The following DOK6 variants were observed in gnomAD, a reference collection of about 807,000 sequenced individuals.
DOK6 encodes the protein docking protein 6.
Under a neutral mutation model 44.0 loss-of-function variants are expected in DOK6, and 22 were observed. The observed-to-expected ratio is 0.50, with a 90% CI of 0.36 to 0.71. DOK6 has a LOEUF of 0.71. Among genes scored for constraint, DOK6 ranks in the 30% least tolerant of loss-of-function variants. The pLI, the probability that DOK6 is intolerant of heterozygous loss-of-function variation, is 0.00. For synonymous variants in DOK6, 166 were observed against 145.5 expected (o/e 1.14, Z -1.01); for missense variants, 340 against 416.4 (o/e 0.82, Z 1.60).
chr18:69,802,048 A>G (rs1050421880), intron 7 of DOK6, among the ~76,000 whole-genome samples: 3 of 152,024 alleles, frequency 2.0e-5, no homozygotes, highest in African/African-American at 7.2e-5. Context: ...CCTCCATCCT[A>G]TGCACTCCAT....
chr18:69,485,817 C>T (rs1214260408), intron 1 of DOK6, among the ~76,000 whole-genome samples: 1 of 151,676 alleles, frequency 6.6e-6, no homozygotes, highest in South Asian at 2.1e-4. Context: ...TCATTGCAGA[C>T]TTCAGACATT....
At chr18:69,701,824 G>A (rs1986526633) in intron 5 of DOK6, among the ~76,000 whole-genome samples, 1 of 152,142 alleles carries the variant, frequency 6.6e-6, no homozygotes, top group African/African-American at 2.4e-5. Flanking sequence ...GTTAGTGGTA[G>A]CAAATGTTAT....
At chr18:69,455,383 G>A (rs1181639307) in intron 1 of DOK6, among the ~76,000 whole-genome samples, 1 of 152,160 alleles carries the variant, frequency 6.6e-6, no homozygotes, top group African/African-American at 2.4e-5. Flanking sequence ...TTTTAAGTCT[G>A]AAGAAAGCTT....
chr18:69,410,655 C>T (rs1978302144), intron 1 of DOK6, among the ~76,000 whole-genome samples: 1 of 152,188 alleles, frequency 6.6e-6, no homozygotes, highest in Non-Finnish European at 1.5e-5. Context: ...TTTCTGAGGA[C>T]TTTCCAGGCT....
intron 6 of DOK6, among the ~76,000 whole-genome samples, chr18:69,757,541 TC>T (rs1758164056): frequency 6.6e-6 from 1 of 152,214 alleles, no homozygotes; most frequent in African/African-American, 2.4e-5. Context: ...ATCTTAATGT[TC>T]TCTTCTTAAT....
intron 6 of DOK6, among the ~76,000 whole-genome samples, chr18:69,748,640 A>G (rs1043652493): frequency 6.6e-6 from 1 of 152,202 alleles, no homozygotes; most frequent in African/African-American, 2.4e-5. Context: ...TAATGAAATT[A>G]AGGCAGAAAT....
chr18:69,612,870 C>T (rs889236240), intron 3 of DOK6, among the ~76,000 whole-genome samples: 1 of 150,574 alleles, frequency 6.6e-6, no homozygotes, highest in East Asian at 1.9e-4. Context: ...TTCTTTTTTG[C>T]TTTTCTTTCT....
At chr18:69,732,068 A>G (rs1464699707) in intron 5 of DOK6, among the ~76,000 whole-genome samples, 1 of 152,134 alleles carries the variant, frequency 6.6e-6, no homozygotes, top group Admixed American at 6.6e-5. Context: ...CTTCAAAACA[A>G]TGTTTCTTTT....
At chr18:69,830,930 A>G (rs1981883419) in intron 7 of DOK6, among the ~76,000 whole-genome samples, 1 of 152,098 alleles carries the variant, frequency 6.6e-6, no homozygotes. Flanking sequence ...CTGAGCTTCT[A>G]ATTTATTTTT....
chr18:69,721,792 T>A (rs1978289097), intron 5 of DOK6, among the ~76,000 whole-genome samples: 1 of 152,232 alleles, frequency 6.6e-6, no homozygotes, highest in Non-Finnish European at 1.5e-5. Flanking sequence ...AAGAATTATT[T>A]TTCTTCCAGT....
intron 7 of DOK6, among the ~76,000 whole-genome samples, chr18:69,824,834 G>A (rs1443916538): frequency 6.6e-6 from 1 of 152,370 alleles, no homozygotes; most frequent in South Asian, 2.1e-4. Context: ...CCGCAGGACT[G>A]AATGAAGTGA....
intron 6 of DOK6, among the ~76,000 whole-genome samples, chr18:69,742,842 A>G (rs1978851950): frequency 6.6e-6 from 1 of 152,248 alleles, no homozygotes; most frequent in Non-Finnish European, 1.5e-5. Flanking sequence ...CATCACCATC[A>G]TTGAATTTTG....
chr18:69,799,654 G>A (rs983403073), intron 7 of DOK6, among the ~76,000 whole-genome samples: 9 of 151,968 alleles, frequency 5.9e-5, no homozygotes, highest in African/African-American at 1.7e-4. Flanking sequence ...TTGGCCATGG[G>A]TTATAAATGT....
At chr18:69,674,429 C>T (rs1985875033) in intron 3 of DOK6, among the ~76,000 whole-genome samples, 1 of 152,146 alleles carries the variant, frequency 6.6e-6, no homozygotes, top group South Asian at 2.1e-4. Flanking sequence ...TCAGAGCTAT[C>T]TCCAGCTGTT....
intron 3 of DOK6, among the ~76,000 whole-genome samples, chr18:69,636,517 G>T (rs547231408): frequency 1.2e-4 from 18 of 152,304 alleles, no homozygotes; most frequent in African/African-American, 4.3e-4. Flanking sequence ...AGTCTATGCT[G>T]GCGAAAAGTT....
At chr18:69,460,642 T>C (rs944918739) in intron 1 of DOK6, among the ~76,000 whole-genome samples, 1 of 152,348 alleles carries the variant, frequency 6.6e-6, no homozygotes, top group Admixed American at 6.5e-5. Context: ...ATTGTTGATA[T>C]CTGGCAAACT....
intron 1 of DOK6, among the ~76,000 whole-genome samples, chr18:69,463,769 ATG>A (rs771740041): frequency 3.2e-4 from 48 of 151,190 alleles, no homozygotes; most frequent in East Asian, 5.8e-4. Flanking sequence ...GTCTGTGTGC[ATG>A]TGTGTGTGTG....
At chr18:69,645,718 A>C (rs148038648) in intron 3 of DOK6, among the ~76,000 whole-genome samples, 1 of 152,146 alleles carries the variant, frequency 6.6e-6, no homozygotes, top group African/African-American at 2.4e-5. Context: ...TACAAAAAAA[A>C]CCTTGTACAT....
intron 1 of DOK6, among the ~76,000 whole-genome samples, chr18:69,443,785 G>A (rs1979202130): frequency 6.6e-6 from 1 of 152,070 alleles, no homozygotes; most frequent in African/African-American, 2.4e-5. Flanking sequence ...TTTAGACATA[G>A]ACCCATAGTA....
Sources: gnomAD v4.1 joint callset for allele counts (sites outside exome capture counted in the v4.1 genomes callset) on GRCh38, gnomAD v4.1.1 for gene constraint, MANE v1.5 for transcripts, NCBI Gene and HGNC (gene_info 2026-07-23, HGNC 2026-07-21) for gene names.